EGFL6: variants seen among roughly 807,000 people sequenced by gnomAD.
EGFL6 encodes epidermal growth factor-like protein 6.
In EGFL6, 42 loss-of-function variants were observed where a neutral mutation model predicts 43.1. The observed-to-expected ratio is 0.98, with a 90% confidence interval of 0.76 to 1.26. The LOEUF is 1.26. EGFL6 is among the 50% of genes most tolerant of loss of function. EGFL6 has a pLI of 0.00. For synonymous variants in EGFL6, 164 were observed against 163.2 expected, an observed-to-expected ratio of 1.01 and a Z score of -0.04; for missense variants, 429 against 427.8, an observed-to-expected ratio of 1.00 and a Z score of -0.02.
chrX:13,576,893 A>T (rs1405519919), intron 1 of EGFL6, among the ~76,000 whole-genome samples: 4 of 112,013 alleles, frequency 3.6e-5, no homozygotes, highest in African/African-American at 1.3e-4. Flanking sequence ...ACCCAGAGAG[A>T]TCAGTAGTAC....
At chrX:13,613,512 G>A (rs1162995972) in intron 7 of EGFL6, among the ~76,000 whole-genome samples, 1 of 111,179 alleles carries the variant, frequency 9.0e-6, no homozygotes, top group South Asian at 3.8e-4. Flanking sequence ...TTCTGGAATC[G>A]TATTACCTTA....
At chrX:13,617,150 T>A (rs906967369) in intron 7 of EGFL6, among the ~76,000 whole-genome samples, 11 of 112,503 alleles carry the variant, frequency 9.8e-5, no homozygotes, top group African/African-American at 3.6e-4. Flanking sequence ...CTCTGAAATA[T>A]TTAATAAATA....
chrX:13,569,710 T>G lies in EGFL6; in HGVS notation c.-152T>G, dbSNP rs72614507. ...CCCTGCCGCGGTGCCTGGCCTCCCC[T>G]CCCAGACTGCAGGGACAGCACCCGG... is the stretch of plus-strand genomic sequence containing the variant. On this transcript the variant is annotated 5_prime_UTR_variant, in exon 1 of 12. Transcript: ENST00000361306. 96,059 of 522,360 alleles carry G rather than the reference T, an allele frequency of 0.18. 6,654 individuals are homozygous for G. The highest frequency in any genetic ancestry group is 0.44 in the East Asian group (11,231 of 25,750). 43.0% of individuals were successfully genotyped at this position (522,360 alleles called of 1,213,427 possible).
At chrX:13,586,732 C>A (rs1461709845) in intron 1 of EGFL6, among the ~76,000 whole-genome samples, 4 of 111,833 alleles carry the variant, frequency 3.6e-5, no homozygotes, top group Non-Finnish European at 7.5e-5. Flanking sequence ...TGTGTATATA[C>A]CCAAGAGAAA....
At chrX:13,616,226 T>C (rs1206284685) in intron 7 of EGFL6, among the ~76,000 whole-genome samples, 3 of 112,347 alleles carry the variant, frequency 2.7e-5, no homozygotes, top group Admixed American at 9.4e-5. Flanking sequence ...CTTTGAATTA[T>C]AGATCTCAAG....
chrX:13,617,973 AG>A lies in EGFL6; in HGVS notation c.1026del (p.Glu344ArgfsTer10). 8.3e-7 allele frequency: 1 copy of A among 1,211,881 alleles called. No homozygotes were observed. The highest frequency in any genetic ancestry group is 1.1e-6 in the Non-Finnish European group (1 of 895,536). ...AAAGGGAATGAAGAGAAAATGAAAG[AG>A]GGGCTTGAGGATGAGAAAAGAGAAG... ...GKKGNEEKMK[E>X]GLEDEKREEK... On this transcript the variant is annotated frameshift_variant, in exon 8 of 12. Transcript: ENST00000361306. LOFTEE classifies it high-confidence loss of function.
intron 5 of EGFL6, 26 bp from the exon 6 acceptor site, chrX:13,606,353 G>T: frequency 8.3e-7 from 1 of 1,204,829 alleles, no homozygotes; most frequent in South Asian, 1.8e-5. Context: ...TGCTATCACT[G>T]ACACCTTCTG....
chrX:13,588,725 G>A (rs191831825), intron 1 of EGFL6, among the ~76,000 whole-genome samples: 2 of 111,223 alleles, frequency 1.8e-5, no homozygotes, highest in East Asian at 5.7e-4. Context: ...TTAGAAGATG[G>A]AGCAAAAGGA....
chrX:13,595,272 C>T (rs1229615292), intron 3 of EGFL6, among the ~76,000 whole-genome samples: 1 of 111,224 alleles, frequency 9.0e-6, no homozygotes, highest in African/African-American at 3.3e-5. Flanking sequence ...GCTTTTTAAA[C>T]TACCTATGTA....
Position 13,619,182 on chromosome X carries a change from A to T in EGFL6, c.1122A>T (p.Ala374=), listed in dbSNP as rs755901786. The T allele has an allele frequency of 8.3e-7, 1 of 1,211,711 alleles. No homozygotes were observed. Among genetic ancestry groups the T allele is most frequent in the Non-Finnish European group, 1.1e-6 (1 of 895,086 alleles). ...GDVFFPKVNE[A]GEFGLILVQR... is the part of the protein sequence containing the mutation. ...TATTAGTCCCTAAGGTGAATGAAGCAGGTGAATTCGGCCTGATTCTGGTCC... is the reference window on the plus strand; with the variant it reads ...TATTAGTCCCTAAGGTGAATGAAGCTGGTGAATTCGGCCTGATTCTGGTCC... Residue 374 remains alanine (A), a synonymous_variant, in exon 9 of 12, where the codon GCA becomes GCT. Coordinates refer to ENST00000361306, the MANE Select transcript of EGFL6 (RefSeq NM_015507.4).
intron 7 of EGFL6, among the ~76,000 whole-genome samples, chrX:13,616,087 T>C (rs2045716221): frequency 8.9e-6 from 1 of 111,937 alleles, no homozygotes; most frequent in Non-Finnish European, 1.9e-5. Flanking sequence ...TGCCTAGATA[T>C]TTTATAGTGA....
chrX:13,594,844 G>A lies in EGFL6; in HGVS notation c.196G>A (p.Glu66Lys), dbSNP rs16979010. 3,619 of 1,207,051 alleles carry A rather than the reference G, an allele frequency of 3.0e-3. 68 individuals carry two copies. The African/African-American group carries it at 0.054, about 18-fold the overall frequency. ...NSKGVCEATC[E>K]PGCKFGECVG... The stretch of plus-strand genomic sequence containing the variant: ...ATCTTTTCCTTCCACAGCTACATGC[G>A]AACCTGGATGTAAGTTTGGTGAGTG... The change falls in exon 3 of 12, where the codon GAA (glutamate) becomes AAA (lysine). Residue 66 changes from glutamate to lysine, a missense_variant. Physicochemically the swap from Glu to Lys is moderately conservative, Grantham distance 56. Transcript: ENST00000361306.
chrX:13,626,312 T>C (rs1423894948), intron 10 of EGFL6, among the ~76,000 whole-genome samples: 1 of 111,842 alleles, frequency 8.9e-6, no homozygotes, highest in Non-Finnish European at 1.9e-5. Context: ...TCCTGGCTTC[T>C]ATAGAAATTT....
intron 5 of EGFL6, 70 bp downstream of exon 5, chrX:13,603,506 C>T (rs776204202): frequency 9.4e-7 from 1 of 1,067,211 alleles, no homozygotes; most frequent in East Asian, 3.2e-5. Context: ...AATCTTTTTT[C>T]ATTCATCACA....
chrX:13,601,519 A>G (rs909539734), intron 4 of EGFL6, among the ~76,000 whole-genome samples: 8 of 111,106 alleles, frequency 7.2e-5, no homozygotes, highest in African/African-American at 2.6e-4. Flanking sequence ...CTGTGCCTTC[A>G]GCCAGCTTCC....
rs146716556 is a variant in EGFL6 at position 13,607,426 on chromosome X, C to T, written c.656-898C>T. On this transcript the variant is annotated intron_variant, in intron 6 of 11. Coordinates refer to ENST00000361306, the MANE Select transcript of EGFL6 (RefSeq NM_015507.4). Reference sequence around the variant, plus strand: ...GGGACAACACACAATTGCTGGGTTTCGAACCATCTTGTGAAGCCTCTACAA... The same window carrying T: ...GGGACAACACACAATTGCTGGGTTTTGAACCATCTTGTGAAGCCTCTACAA... Among the ~76,000 whole-genome samples the T allele has an allele frequency of 6.7e-3, 745 of 111,882 alleles. 3 individuals are homozygous for T. Among genetic ancestry groups the T allele is most frequent in the African/African-American group, 0.023 (694 of 30,791 alleles).
chrX:13,599,350 C>G (rs1201354714), intron 3 of EGFL6, among the ~76,000 whole-genome samples: 1 of 111,200 alleles, frequency 9.0e-6, no homozygotes, highest in Non-Finnish European at 1.9e-5. Flanking sequence ...CACACACCTT[C>G]CAGTCACTTC....
Position 13,617,829 on chromosome X carries a change from A to C in EGFL6, c.878A>C (p.Lys293Thr). 1 of 1,211,808 alleles carries C rather than the reference A, an allele frequency of 8.3e-7. No homozygotes were observed. The highest frequency in any genetic ancestry group is 2.3e-4 in the Middle Eastern group (1 of 4,355). The change falls in exon 8 of 12, where the codon AAG (lysine) becomes ACG (threonine). Residue 293 changes from lysine to threonine, a missense_variant. By Grantham distance (78) the Lys-to-Thr change is moderately conservative. Coordinates refer to ENST00000361306, the MANE Select transcript of EGFL6 (RefSeq NM_015507.4). ...GCTCACAAAAACAGCATGAAAAAGA[A>C]GGCAAAAATTAAAAATGTTACCCCA... ...LLAHKNSMKK[K>T]AKIKNVTPEP...
intron 1 of EGFL6, among the ~76,000 whole-genome samples, chrX:13,586,151 A>G (rs761825337): frequency 1.2e-4 from 12 of 101,173 alleles, no homozygotes; most frequent in African/African-American, 3.6e-4. Flanking sequence ...CTATAAACAC[A>G]TGAAAGACAC....
Sources: allele counts gnomAD v4.1 joint callset (sites outside exome capture counted in the v4.1 genomes callset), GRCh38; gene constraint gnomAD v4.1.1; transcripts MANE v1.5; gene names NCBI Gene and HGNC (gene_info 2026-07-23, HGNC 2026-07-21).